Variants in AKAP7 observed in about 807,000 individuals in gnomAD.
The protein encoded by AKAP7 is A kinase (PRKA) anchor protein 7.
A neutral mutation model predicts 39.5 loss-of-function variants in AKAP7; 39 were observed. The observed-to-expected ratio is 0.99, with a 90% CI of 0.76 to 1.29. AKAP7 has a LOEUF of 1.29. Among genes scored for constraint, AKAP7 ranks in the 50% most tolerant of loss-of-function variants. The pLI is 0.00. For synonymous variants in AKAP7, 140 were observed against 139.1 expected (o/e 1.01, Z -0.05); for missense variants, 414 against 407.7 (o/e 1.02, Z -0.13).
At chr6:131,168,640 A>G (rs1176333433) in intron 4 of AKAP7, among the ~76,000 whole-genome samples, 1 of 152,198 alleles carries the variant, frequency 6.6e-6, no homozygotes, top group Non-Finnish European at 1.5e-5. Context: ...CTAATTATAG[A>G]GACTGTTATA....
chr6:131,156,924 G>A (rs914362051), intron 2 of AKAP7, among the ~76,000 whole-genome samples: 1 of 151,774 alleles, frequency 6.6e-6, no homozygotes. Context: ...ACAGGCGGTC[G>A]CCACCACGCC....
chr6:131,160,102 T>C lies in AKAP7; in HGVS notation c.195T>C (p.Asn65=), dbSNP rs903441282. ...PQINLKRSQE[N]EWVKSDQVKK... is the part of the protein sequence containing the mutation. ...TAAATTTGAAGAGAAGTCAAGAAAA[T>C]GAATGGGTCAAGAGTGATCAAGTAA... is the stretch of plus-strand genomic sequence containing the variant. The change falls in exon 3 of 8, where the codon AAT becomes AAC. Residue 65 remains asparagine, a synonymous_variant. Coordinates refer to ENST00000431975, the MANE Select transcript of AKAP7 (RefSeq NM_016377.4). 2 of 1,596,502 alleles carry C rather than the reference T, an allele frequency of 1.3e-6. No homozygotes were observed. Among genetic ancestry groups the C allele is most frequent in the Non-Finnish European group, 1.7e-6 (2 of 1,175,700 alleles).
rs1294639221 is a variant in AKAP7, at chr6:131,281,766, C to G, written c.*40C>G. On this transcript the variant is annotated 3_prime_UTR_variant, in exon 8 of 8. Coordinates refer to ENST00000431975, the MANE Select transcript of AKAP7 (RefSeq NM_016377.4). The surrounding 1 kb of genome is among the most constrained non-coding windows in gnomAD (Gnocchi z 4.0). The stretch of plus-strand genomic sequence containing the variant: ...CCCCCATGTCTCTGTGCAAAGCCTC[C>G]CTGCTTCCCTCTGCTGAGTCTAGGG... The G allele has an allele frequency of 6.5e-7, 1 of 1,528,858 alleles. No individual in the cohort carries two copies. Among genetic ancestry groups the G allele is most frequent in the Non-Finnish European group, 8.8e-7 (1 of 1,139,148 alleles). The allele number at this position is 1,528,858 out of a possible 1,614,324, so 94.7% of individuals were successfully genotyped here.
chr6:131,181,802 T>C (rs1805276849), intron 5 of AKAP7, among the ~76,000 whole-genome samples: 1 of 152,118 alleles, frequency 6.6e-6, no homozygotes, highest in Non-Finnish European at 1.5e-5. Context: ...ATTCTTCACA[T>C]GATCAGACAA....
intron 7 of AKAP7, among the ~76,000 whole-genome samples, chr6:131,241,605 G>GTATATATATATA (rs1189598116): frequency 5.1e-5 from 7 of 138,354 alleles, no homozygotes; most frequent in Non-Finnish European, 1.1e-4. Context: ...GTGTGTGTGT[G>GTATATATATATA]TGTGTGTGTG....
chr6:131,255,817 A>G (rs1046299853), intron 7 of AKAP7, among the ~76,000 whole-genome samples: 1 of 152,208 alleles, frequency 6.6e-6, no homozygotes, highest in Non-Finnish European at 1.5e-5. Context: ...TCTAGGGAAT[A>G]AAAGAATGAG....
At chr6:131,127,039 TGC>T in the AKAP7 span, among the ~76,000 whole-genome samples, 1 of 112,724 alleles carries the variant, frequency 8.9e-6, no homozygotes, top group African/African-American at 3.0e-5. Flanking sequence ...TGTTTCATTT[TGC>T]TTTGTTTTTT....
chr6:131,213,873 C>T (rs1167555158), intron 6 of AKAP7, among the ~76,000 whole-genome samples: 3 of 152,020 alleles, frequency 2.0e-5, no homozygotes, highest in Non-Finnish European at 2.9e-5. Flanking sequence ...AGTGTTCTAG[C>T]GCTGTGCTTG....
intron 5 of AKAP7, among the ~76,000 whole-genome samples, chr6:131,194,724 G>C (rs1806752321): frequency 6.6e-6 from 1 of 152,082 alleles, no homozygotes; most frequent in South Asian, 2.1e-4. Context: ...CTCCAATGTT[G>C]GGTGTAAATA....
intron 5 of AKAP7, among the ~76,000 whole-genome samples, chr6:131,175,098 A>G (rs1239766102): frequency 6.6e-6 from 1 of 152,218 alleles, no homozygotes; most frequent in East Asian, 1.9e-4. Context: ...AGAAGATGCT[A>G]TTAAGAGAAT....
intron 7 of AKAP7, among the ~76,000 whole-genome samples, chr6:131,262,056 G>A (rs544793819): frequency 1.3e-5 from 2 of 152,120 alleles, no homozygotes; most frequent in Non-Finnish European, 2.9e-5. Context: ...AATAGGGACC[G>A]TCAAAGCTGG....
At chr6:131,199,607 C>T (rs1807319177) in intron 6 of AKAP7, 34 bp downstream of exon 6, 8 of 1,437,858 alleles carry the variant, frequency 5.6e-6, no homozygotes, top group Non-Finnish European at 7.8e-6. Context: ...GCCTGTTTTA[C>T]CAGGCCACAC....
rs1554387315 is a variant in AKAP7 at position 131,164,269 on chromosome 6, G to GC, written c.292-812_292-811insC. On this transcript the variant is annotated intron_variant, in intron 3 of 7. Coordinates refer to ENST00000431975, the MANE Select transcript of AKAP7 (RefSeq NM_016377.4). ...TTCTCTGTGCTCTCTTTTCTCTGTT[G>GC]TTTTTTTTCTGGGTTTGCTATTTTG... 7.0e-6 allele frequency: 3 copies of GC among 427,358 alleles called. No homozygotes were observed. In the East Asian group the frequency reaches 2.2e-4, roughly 31 times the overall value. The allele number at this position is 427,358 out of a possible 1,614,324, so 26.5% of individuals were successfully genotyped here.
rs763532678 is a variant in AKAP7 at position 131,165,145 on chromosome 6, C to G, written c.356C>G (p.Ala119Gly). 21 of 1,611,610 alleles carry G rather than the reference C, an allele frequency of 1.3e-5. No homozygotes were observed. The highest frequency in any genetic ancestry group is 1.8e-5 in the Non-Finnish European group (21 of 1,178,280). ...CAACAAGATGAGCGACTGGCCAAAG[C>G]AATGGTCAGTGATGGTTCCTTTCAT... ...IIQQDERLAK[A>G]MVSDGSFHIT... Residue 119 changes from alanine (A) to glycine (G), a missense_variant, in exon 4 of 8, where the codon GCA becomes GGA. Physicochemically the swap from Ala to Gly is moderately conservative, Grantham distance 60. Coordinates refer to ENST00000431975, the MANE Select transcript of AKAP7 (RefSeq NM_016377.4).
chr6:131,266,894 CAGATTGATTAGTATTCACAAGCA>C (rs1004168627), intron 7 of AKAP7, among the ~76,000 whole-genome samples: 2 of 152,108 alleles, frequency 1.3e-5, no homozygotes, highest in African/African-American at 4.8e-5. Flanking sequence ...ACTTGGTTGA[CAGATTGATTAGTATTCACAAGCA>C]AGATGTACTG....
chr6:131,228,033 C>G (rs1441846705), intron 7 of AKAP7, among the ~76,000 whole-genome samples: 3 of 152,188 alleles, frequency 2.0e-5, no homozygotes, highest in Non-Finnish European at 4.4e-5. Flanking sequence ...AGGAGACCCT[C>G]TTCTCTGACT....
At chr6:131,238,535 G>T (rs570169549) in intron 7 of AKAP7, among the ~76,000 whole-genome samples, 1 of 152,260 alleles carries the variant, frequency 6.6e-6, no homozygotes, top group Admixed American at 6.5e-5. Context: ...TATTGTGTGG[G>T]AGTCTAAGTC....
At chr6:131,218,887 G>A (rs999855745) in intron 6 of AKAP7, among the ~76,000 whole-genome samples, 2 of 152,148 alleles carry the variant, frequency 1.3e-5, no homozygotes, top group East Asian at 3.9e-4. Flanking sequence ...CATCTTATTA[G>A]GGCATTTTTT....
intron 7 of AKAP7, among the ~76,000 whole-genome samples, chr6:131,240,848 C>T (rs903004704): frequency 2.0e-5 from 3 of 152,222 alleles, no homozygotes; most frequent in African/African-American, 7.2e-5. Context: ...TGACCCCTTG[C>T]ACTTCCCGGG....
Sources: allele counts gnomAD v4.1 joint callset (sites outside exome capture counted in the v4.1 genomes callset), GRCh38; gene constraint gnomAD v4.1.1; non-coding constraint Gnocchi (gnomAD v3.1); transcripts MANE v1.5; gene names NCBI Gene and HGNC (gene_info 2026-07-23, HGNC 2026-07-21).